The following MPPE1 variants were observed in gnomAD, a reference collection of about 807,000 sequenced individuals.
MPPE1 encodes the protein metallo phosphoesterase.
MPPE1 carries 28 observed loss-of-function variants against 43.8 expected under a neutral mutation model. That is an observed-to-expected ratio of 0.64 (90% CI 0.47 to 0.88). MPPE1 has a LOEUF of 0.88. MPPE1 is among the 40% of genes least tolerant of loss of function. MPPE1 has a pLI of 0.00. For missense variants in MPPE1, 428 were observed against 492.2 expected, an observed-to-expected ratio of 0.87 and a Z score of 1.23; for synonymous variants, 159 against 188.5, an observed-to-expected ratio of 0.84 and a Z score of 1.28.
At position 11,886,319 on chromosome 18, in the gene MPPE1, A is replaced by C; in HGVS notation, c.867+180T>G. On this transcript the variant is annotated intron_variant, in intron 9 of 10. Coordinates refer to ENST00000588072, the MANE Select transcript of MPPE1 (RefSeq NM_023075.6). The surrounding 1 kb of genome is among the most constrained non-coding windows in gnomAD (Gnocchi z 4.1). ...AGGTTTACTGGAAAAAAAAAAAGCG[A>C]TTAAATGAAAATCTGAGATACTGTG... 1 of 798,736 alleles carries C rather than the reference A, an allele frequency of 1.3e-6. No homozygotes were observed. 49.5% of individuals were successfully genotyped at this position (798,736 alleles called of 1,614,324 possible). A position where few individuals can be genotyped will look rare whatever the true frequency, so the allele number is the denominator to read the frequency against.
rs373406381 is a variant in MPPE1 at position 11,901,950 on chromosome 18, G to C, written c.-93+4253C>G. 4.9e-4 allele frequency among the ~76,000 whole-genome samples: 74 copies of C among 152,188 alleles called. 1 individual carries two copies. The highest frequency in any genetic ancestry group is 2.4e-4 in the Non-Finnish European group (16 of 68,038). ...ATATCATCTGGAGTCAACTGCTCTTGCTGAAATTCTCCTCCAAAACCCCAC... is the reference window on the plus strand; with the variant it reads ...ATATCATCTGGAGTCAACTGCTCTTCCTGAAATTCTCCTCCAAAACCCCAC... On this transcript the variant is annotated intron_variant, in intron 2 of 10. Coordinates refer to ENST00000588072, the MANE Select transcript of MPPE1 (RefSeq NM_023075.6).
rs35519179 is a variant in MPPE1 at position 11,884,722 on chromosome 18, TC to T, written c.1009-96del. On this transcript the variant is annotated intron_variant, in intron 10 of 10. Coordinates refer to ENST00000588072, the MANE Select transcript of MPPE1 (RefSeq NM_023075.6). ...GCAGAGGGAAGACTGCCTTCTCAGG[TC>T]CCCCTCAGGTGAGGCAGGGAACGGG... 1.4e-3 allele frequency: 1,901 copies of T among 1,400,034 alleles called. 31 individuals carry two copies. The African/African-American group carries it at 0.023, about 17-fold the overall frequency. The allele number at this position is 1,400,034 out of a possible 1,614,324, so 86.7% of individuals were successfully genotyped here.
chr18:11,887,038 G>A lies in MPPE1; in HGVS notation c.570-13C>T, dbSNP rs759681533. 6 of 1,600,270 alleles carry A rather than the reference G, an allele frequency of 3.7e-6. No individual in the cohort carries two copies. In the South Asian group the frequency reaches 5.5e-5, roughly 15 times the overall value. ...GACCATCACAAAGCTGAAGCGGAGG[G>A]AAACGCAGGTGAGGCCGCTGGGGGT... is the stretch of plus-strand genomic sequence containing the variant. On this transcript the variant is annotated splice_polypyrimidine_tract_variant and intron_variant, in intron 6 of 10. Transcript: ENST00000588072.
chr18:11,896,708 T>C (rs1034499891), intron 3 of MPPE1, among the ~76,000 whole-genome samples: 2 of 152,182 alleles, frequency 1.3e-5, no homozygotes, highest in Non-Finnish European at 2.9e-5. Context: ...CTTGTCTTAA[T>C]CCAGTTACAA....
Position 11,883,227 on chromosome 18 carries a change from C to T in MPPE1, c.*1218G>A, listed in dbSNP as rs1039559709. 2 of 147,324 alleles carry T rather than the reference C, an allele frequency of 1.4e-5. No homozygotes were observed. Among genetic ancestry groups the T allele is most frequent in the African/African-American group, 2.6e-5 (1 of 39,110 alleles). The allele number at this position is 147,324 out of a possible 1,614,324, so 9.1% of individuals were successfully genotyped here. A position where few individuals can be genotyped will look rare whatever the true frequency, so the allele number is the denominator to read the frequency against. The stretch of plus-strand genomic sequence containing the variant: ...ATCTCATCACCGTCTTACTGCCTCC[C>T]CATCCACTGTCTCATAAAGCCCTCA... On this transcript the variant is annotated 3_prime_UTR_variant, in exon 11 of 11. Transcript: ENST00000588072.
chr18:11,891,488 A>T (rs1485920089), intron 4 of MPPE1: 3 of 152,232 alleles, frequency 2.0e-5, no homozygotes, highest in African/African-American at 7.2e-5. Context: ...AAATAAAAAA[A>T]TATAAAGTTA....
At chr18:11,885,097 T>C in intron 10 of MPPE1, 4 of 1,229,970 alleles carry the variant, frequency 3.3e-6, no homozygotes, top group Non-Finnish European at 4.2e-6. Context: ...GCAGATACTT[T>C]TATGTGGAAC....
intron 6 of MPPE1, among the ~76,000 whole-genome samples, chr18:11,887,744 A>G (rs1328309951): frequency 2.0e-5 from 3 of 152,238 alleles, no homozygotes; most frequent in East Asian, 3.8e-4. Context: ...TTTTAGAGAT[A>G]AGGAGTGGAG....
At position 11,897,184 on chromosome 18, in the gene MPPE1, T is replaced by C. The variant is rs770160485; in HGVS notation, c.81A>G (p.Ile27Met). The change falls in exon 3 of 11, where the codon ATA (isoleucine) becomes ATG (methionine). Residue 27 changes from isoleucine (I) to methionine (M), a missense_variant. Physicochemically the swap from Ile to Met is conservative, Grantham distance 10 (BLOSUM62 1). Transcript: ENST00000588072. Reference sequence around the variant, plus strand: ...ATAGAAGCACAGCAAAGACAACAGCTATGAGTTTCAACAGCAATGAACTCT... The same window carrying C: ...ATAGAAGCACAGCAAAGACAACAGCCATGAGTTTCAACAGCAATGAACTCT... Reference protein sequence around the residue: ...KRKSSLLLKLIAVVFAVLLFC... With the variant: ...KRKSSLLLKLMAVVFAVLLFC... 8.2e-7 allele frequency: 1 copy of C among 1,214,636 alleles called. No individual in the cohort carries two copies. Among genetic ancestry groups the C allele is most frequent in the Admixed American group, 1.9e-5 (1 of 52,606 alleles). 75.2% of individuals were successfully genotyped at this position (1,214,636 alleles called of 1,614,324 possible). A position where few individuals can be genotyped will look rare whatever the true frequency, so the allele number is the denominator to read the frequency against.
intron 4 of MPPE1, among the ~76,000 whole-genome samples, chr18:11,890,081 T>C (rs2037811094): frequency 6.6e-6 from 1 of 151,792 alleles, no homozygotes; most frequent in Non-Finnish European, 1.5e-5. Flanking sequence ...TAGCTGGAAC[T>C]ACAGGCGCCC....
At chr18:11,890,985 G>C (rs972803568) in intron 4 of MPPE1, among the ~76,000 whole-genome samples, 1 of 152,052 alleles carries the variant, frequency 6.6e-6, no homozygotes, top group South Asian at 2.1e-4. Flanking sequence ...TTATGTTAGT[G>C]TAGTTCTTAT....
chr18:11,886,902 C>T lies in MPPE1; in HGVS notation c.678+15G>A. On this transcript the variant is annotated intron_variant, in intron 7 of 10. Transcript: ENST00000588072. This position sits in a 1 kb window ranked among gnomAD's most constrained non-coding sequence, Gnocchi z 4.1. ...CGGGACAGAAGGCACCTGTGGCATT[C>T]AGATGCTCTCCTACCTCTCGGGAGC... is the stretch of plus-strand genomic sequence containing the variant. 6.2e-7 allele frequency: 1 copy of T among 1,605,090 alleles called. No homozygotes were observed. Among genetic ancestry groups the T allele is most frequent in the South Asian group, 1.1e-5 (1 of 90,742 alleles).
chr18:11,890,013 G>GCTCA (rs2037797987), intron 4 of MPPE1, among the ~76,000 whole-genome samples: 1 of 151,644 alleles, frequency 6.6e-6, no homozygotes, highest in Non-Finnish European at 1.5e-5. Context: ...CACGATCTCG[G>GCTCA]CTCACTGCAA....
Position 11,884,570 on chromosome 18 carries a change from C to T in MPPE1, c.1066G>A (p.Val356Met). 5 of 1,614,060 alleles carry T rather than the reference C, an allele frequency of 3.1e-6. No homozygotes were observed. Among genetic ancestry groups the T allele is most frequent in the Non-Finnish European group, 3.4e-6 (4 of 1,180,050 alleles). The change falls in exon 11 of 11, where the codon GTG (valine) becomes ATG (methionine). Residue 356 changes from valine to methionine, a missense_variant. By Grantham distance (21) the Val-to-Met change is conservative. This residue lies in a region of MPPE1 where 379 missense variants were observed against 402.5 expected (regional missense o/e 0.94). Coordinates refer to ENST00000588072, the MANE Select transcript of MPPE1 (RefSeq NM_023075.6). Reference protein sequence around the residue: ...LSKCYLPREDVVLIIYCGVVG... With the variant: ...LSKCYLPREDMVLIIYCGVVG... Reference sequence around the variant, plus strand: ...ACTCCACAGTAGATGATCAAAACCACATCCTCACGTGGGAGGTAGCACTTG... The same window carrying T: ...ACTCCACAGTAGATGATCAAAACCATATCCTCACGTGGGAGGTAGCACTTG...
Position 11,907,655 on chromosome 18 carries a change from CTTTTT to C in MPPE1, c.-200+541_-200+545del, listed in dbSNP as rs3048186. 1.1e-3 allele frequency among the ~76,000 whole-genome samples: 128 copies of C among 113,056 alleles called. 1 individual carries two copies. The highest frequency in any genetic ancestry group is 3.6e-3 in the African/African-American group (108 of 30,282). 74.2% of individuals were successfully genotyped at this position (113,056 alleles called of 152,430 possible). A position where few individuals can be genotyped will look rare whatever the true frequency, so the allele number is the denominator to read the frequency against. On this transcript the variant is annotated intron_variant, in intron 1 of 10. Transcript: ENST00000588072. ...TTCAGGTGCGTGCCACTACACCTGG[CTTTTT>C]TTTTTTTTTTTTTTGGTACTTTTGT... is the stretch of plus-strand genomic sequence containing the variant.
chr18:11,887,652 A>G (rs1224038102), intron 6 of MPPE1, among the ~76,000 whole-genome samples: 2 of 152,150 alleles, frequency 1.3e-5, no homozygotes, highest in African/African-American at 4.8e-5. Flanking sequence ...ACTCCCACTA[A>G]ATACGGTTTT....
rs1299888808 is a variant in MPPE1, at chr18:11,883,119, TTA to T, written c.*1324_*1325del. ...CTATAAATCAGCATTTTGTAATCCT[TTA>T]TAAACTCATCCAGATTTAAATGCTA... On this transcript the variant is annotated 3_prime_UTR_variant, in exon 11 of 11. Transcript: ENST00000588072. 1.3e-5 allele frequency: 2 copies of T among 151,886 alleles called. No individual in the cohort carries two copies. The highest frequency in any genetic ancestry group is 2.9e-5 in the Non-Finnish European group (2 of 68,046). 9.4% of individuals were successfully genotyped at this position (151,886 alleles called of 1,614,324 possible). A position where few individuals can be genotyped will look rare whatever the true frequency, so the allele number is the denominator to read the frequency against.
At chr18:11,894,576 C>A (rs779802978) in intron 3 of MPPE1, among the ~76,000 whole-genome samples, 1 of 151,606 alleles carries the variant, frequency 6.6e-6, no homozygotes, top group African/African-American at 2.4e-5. Flanking sequence ...TGGTAAATGG[C>A]GATTTTATTT....
chr18:11,889,529 A>ATGGT, intron 4 of MPPE1, 39 bp from the exon 5 acceptor site: 2 of 1,455,862 alleles, frequency 1.4e-6, no homozygotes, highest in Non-Finnish European at 1.9e-6. Context: ...CCAGAGAACC[A>ATGGT]TCTCTGCCCT....
Sources: allele counts gnomAD v4.1 joint callset (sites outside exome capture counted in the v4.1 genomes callset), GRCh38; gene constraint gnomAD v4.1.1; regional missense constraint gnomAD v4.1.1; non-coding constraint Gnocchi (gnomAD v3.1); transcripts MANE v1.5; gene names NCBI Gene and HGNC (gene_info 2026-07-23, HGNC 2026-07-21).